The following USP40 variants were observed in gnomAD, a reference collection of about 807,000 sequenced individuals.
The protein encoded by USP40 is ubiquitin carboxyl-terminal hydrolase 40.
Under a neutral mutation model 166.2 loss-of-function variants are expected in USP40, and 143 were observed. The observed-to-expected ratio is 0.86, with a 90% CI of 0.75 to 0.99. USP40 has a LOEUF of 0.99. Ranked by LOEUF, USP40 falls within the 50% of genes least tolerant of loss-of-function variation. The pLI is 0.00. For synonymous variants in USP40, 498 were observed against 524.0 expected (o/e 0.95, Z 0.68); for missense variants, 1,444 against 1,479.7 (o/e 0.98, Z 0.40).
chr2:233,503,430 G>C (rs2066213034), intron 21 of USP40, among the ~76,000 whole-genome samples: 1 of 152,078 alleles, frequency 6.6e-6, no homozygotes, highest in African/African-American at 2.4e-5. Flanking sequence ...AAGCTCACAG[G>C]TTCCCCAATT....
chr2:233,484,245 A>G (rs571477716), intron 30 of USP40, among the ~76,000 whole-genome samples: 1 of 152,296 alleles, frequency 6.6e-6, no homozygotes, highest in East Asian at 1.9e-4. Context: ...AATCTAATCT[A>G]TATGGATTTT....
chr2:233,543,520 G>C (rs964305207), intron 8 of USP40, among the ~76,000 whole-genome samples: 1 of 152,164 alleles, frequency 6.6e-6, no homozygotes, highest in Non-Finnish European at 1.5e-5. Flanking sequence ...AACCGCCAAT[G>C]CAATAGTATT....
intron 9 of USP40, 108 bp downstream of exon 9, chr2:233,542,160 A>G (rs2069476473): frequency 2.1e-6 from 1 of 479,376 alleles, no homozygotes; most frequent in Non-Finnish European, 3.5e-6. Flanking sequence ...AATGGTAATA[A>G]TATCACACCT....
chr2:233,554,962 A>C (rs778160581), intron 5 of USP40, among the ~76,000 whole-genome samples: 15 of 152,234 alleles, frequency 9.9e-5, no homozygotes, highest in Non-Finnish European at 1.8e-4. Flanking sequence ...AGATATACTA[A>C]AGAAGTTATA....
intron 21 of USP40, among the ~76,000 whole-genome samples, chr2:233,500,473 T>C (rs182952078): frequency 5.8e-4 from 88 of 152,262 alleles, no homozygotes; most frequent in Middle Eastern, 3.4e-3. Flanking sequence ...ATTAAAACAA[T>C]TTCTTGAGGG....
chr2:233,496,081 G>A (rs2065734920), intron 24 of USP40, among the ~76,000 whole-genome samples: 2 of 152,248 alleles, frequency 1.3e-5, no homozygotes, highest in African/African-American at 4.8e-5. Context: ...TCTCTGCAGA[G>A]AAAAGGTGTA....
chr2:233,483,244 C>T (rs1489402867), intron 30 of USP40, among the ~76,000 whole-genome samples: 2 of 152,186 alleles, frequency 1.3e-5, no homozygotes, highest in Admixed American at 1.3e-4. Context: ...AATCCCAGCT[C>T]TTTGGGAGGC....
At chr2:233,517,962 G>A (rs182750256) in intron 18 of USP40, among the ~76,000 whole-genome samples, 6 of 151,686 alleles carry the variant, frequency 4.0e-5, no homozygotes, top group East Asian at 2.0e-4. Flanking sequence ...TCACTGATAC[G>A]TGGGAGCTAA....
At position 233,530,503 on chromosome 2, in the gene USP40, T is replaced by C. The variant is rs1430353064; in HGVS notation, c.1472-991A>G. ...TTACTTTAAGACAAACTTGTGAAAG[T>C]AGAATTACTGGTTTAAACGGTATGA... On this transcript the variant is annotated intron_variant, in intron 11 of 31. Coordinates refer to ENST00000678225, the MANE Select transcript of USP40 (RefSeq NM_001365479.2). Among the ~76,000 whole-genome samples the C allele has an allele frequency of 3.9e-5, 6 of 152,208 alleles. No homozygotes were observed. The East Asian group carries it at 1.2e-3, about 29-fold the overall frequency.
chr2:233,478,228 G>T (rs1249750164), intron 31 of USP40, among the ~76,000 whole-genome samples: 2 of 152,240 alleles, frequency 1.3e-5, no homozygotes, highest in East Asian at 1.9e-4. Flanking sequence ...GTACCGGGAA[G>T]TGCCCAGCAG....
Position 233,476,980 on chromosome 2 carries a change from G to A in USP40, c.*412C>T, listed in dbSNP as rs1192726701. The A allele has an allele frequency of 1.2e-5, 4 of 320,816 alleles. No individual in the cohort carries two copies. The highest frequency in any genetic ancestry group is 4.6e-5 in the Admixed American group (1 of 21,542). The allele number at this position is 320,816 out of a possible 1,614,324, so 19.9% of individuals were successfully genotyped here. A position where few individuals can be genotyped will look rare whatever the true frequency, so the allele number is the denominator to read the frequency against. On this transcript the variant is annotated 3_prime_UTR_variant, in exon 32 of 32. Transcript: ENST00000678225. ...CTGTGAGAAGCCGGTCAGGGCGAAC[G>A]AGAGTCATCTGAACACGGAGGAAAG...
intron 21 of USP40, among the ~76,000 whole-genome samples, chr2:233,509,454 AT>A (rs776360952): frequency 1.3e-5 from 2 of 152,100 alleles, no homozygotes; most frequent in African/African-American, 2.4e-5. Flanking sequence ...ATAGGTTTTC[AT>A]TTTTTTCTTT....
intron 30 of USP40, chr2:233,481,729 G>A (rs2064607748): frequency 6.2e-6 from 1 of 160,260 alleles, no homozygotes. Context: ...TGAGAGGCAT[G>A]AACTTGGCTT....
chr2:233,526,808 A>G (rs1196843586), intron 13 of USP40, among the ~76,000 whole-genome samples: 1 of 152,300 alleles, frequency 6.6e-6, no homozygotes, highest in Non-Finnish European at 1.5e-5. Flanking sequence ...CTCAACTTCA[A>G]AATGGGGCTA....
intron 22 of USP40, among the ~76,000 whole-genome samples, chr2:233,499,126 A>C (rs2065909485): frequency 6.6e-6 from 1 of 151,966 alleles, no homozygotes; most frequent in South Asian, 2.1e-4. Context: ...ATGTATTAGC[A>C]ATTTTTCCTG....
chr2:233,565,262 TTAAGA>T, intron 2 of USP40, 89 bp downstream of exon 2: 1 of 969,394 alleles, frequency 1.0e-6, no homozygotes, highest in Admixed American at 2.6e-5. Context: ...GAATATATCT[TTAAGA>T]TAATTGGTCT....
intron 31 of USP40, among the ~76,000 whole-genome samples, chr2:233,479,338 G>A (rs890700147): frequency 1.3e-5 from 2 of 152,302 alleles, no homozygotes; most frequent in Non-Finnish European, 2.9e-5. Context: ...GCCAAGGCGG[G>A]CTGATCACAA....
intron 22 of USP40, among the ~76,000 whole-genome samples, chr2:233,499,073 T>C (rs536887354): frequency 2.0e-5 from 3 of 152,214 alleles, no homozygotes; most frequent in African/African-American, 7.2e-5. Flanking sequence ...GCCATGGTGG[T>C]TTGCTGCACC....
intron 16 of USP40, 108 bp from the exon 17 acceptor site, chr2:233,521,222 C>A: frequency 7.8e-7 from 1 of 1,281,136 alleles, no homozygotes; most frequent in Non-Finnish European, 1.0e-6. Context: ...CCAAGTTCTA[C>A]TGAGTCGTCT....
Sources: allele counts gnomAD v4.1 joint callset (sites outside exome capture counted in the v4.1 genomes callset), GRCh38; gene constraint gnomAD v4.1.1; transcripts MANE v1.5; gene names NCBI Gene and HGNC (gene_info 2026-07-23, HGNC 2026-07-21).